Variants in STX11 observed in about 807,000 individuals in gnomAD.
STX11 encodes syntaxin-11.
In STX11, 21 loss-of-function variants were observed where a neutral mutation model predicts 19.9. The observed-to-expected ratio is 1.06, with a 90% CI of 0.75 to 1.52. The LOEUF (loss-of-function observed/expected upper bound fraction) is 1.52, where lower values mean the gene tolerates loss of function less well. STX11 is among the 40% of genes most tolerant of loss of function. The pLI is 0.00. For missense variants in STX11, 438 were observed against 405.9 expected (o/e 1.08, Z -0.68); for synonymous variants, 193 against 174.4 (o/e 1.11, Z -0.84).
At chr6:144,171,304 C>A (rs1223306189) in intron 1 of STX11, among the ~76,000 whole-genome samples, 3 of 152,304 alleles carry the variant, frequency 2.0e-5, no homozygotes, top group East Asian at 3.9e-4. Flanking sequence ...TAATAAGCTT[C>A]TGAAATTCCT....
rs912291969 is a variant in STX11 at position 144,189,185 on chromosome 6, G to T, written c.*1694G>T. 2.0e-5 allele frequency among the ~76,000 whole-genome samples: 3 copies of T among 152,120 alleles called. No individual in the cohort carries two copies. The highest frequency in any genetic ancestry group is 4.4e-5 in the Non-Finnish European group (3 of 68,030). ...CTACAGATATGTGCCACCATGCCCG[G>T]CTAATTTTTGTATTTTCTGTAGAGA... On this transcript the variant is annotated 3_prime_UTR_variant, in exon 2 of 2. Coordinates refer to ENST00000367568, the MANE Select transcript of STX11 (RefSeq NM_003764.4).
Position 144,182,331 on chromosome 6 carries a change from A to T in STX11, c.-5-4292A>T, listed in dbSNP as rs1015350791. On this transcript the variant is annotated intron_variant, in intron 1 of 1. Coordinates refer to ENST00000367568, the MANE Select transcript of STX11 (RefSeq NM_003764.4). This position sits in a 1 kb window ranked among gnomAD's most constrained non-coding sequence, Gnocchi z 4.8. ...ATGTTTGCTCCCTGGTGACCAGGAG[A>T]CCTTCTATGTCAGTGGAGACAACTC... Among the ~76,000 whole-genome samples, 5 of 152,162 alleles carry T rather than the reference A, an allele frequency of 3.3e-5. No individual in the cohort carries two copies. Among genetic ancestry groups the T allele is most frequent in the African/African-American group, 1.2e-4 (5 of 41,532 alleles).
rs757055832 is a variant in STX11 at position 144,187,541 on chromosome 6, G to A, written c.*50G>A. ...CCATCCCAGACCATGGAGCGCGCTG[G>A]GAAGGACGCACCAAAGCCGGGAGCT... On this transcript the variant is annotated 3_prime_UTR_variant, in exon 2 of 2. Coordinates refer to ENST00000367568, the MANE Select transcript of STX11 (RefSeq NM_003764.4). The surrounding 1 kb of genome is among the most constrained non-coding windows in gnomAD (Gnocchi z 5.6). 2 of 1,610,040 alleles carry A rather than the reference G, an allele frequency of 1.2e-6. No individual in the cohort carries two copies. Among genetic ancestry groups the A allele is most frequent in the East Asian group, 2.2e-5 (1 of 44,790 alleles).
chr6:144,182,243 C>A lies in STX11; in HGVS notation c.-5-4380C>A, dbSNP rs1419660650. On this transcript the variant is annotated intron_variant, in intron 1 of 1. Transcript: ENST00000367568. This position sits in a 1 kb window ranked among gnomAD's most constrained non-coding sequence, Gnocchi z 4.8. ...ACTTCAGTAGTGTATACACTTTTAA[C>A]CTTTTTGGAGACATTCTTAGGAATA... Among the ~76,000 whole-genome samples, 1 of 152,170 alleles carries A rather than the reference C, an allele frequency of 6.6e-6. No homozygotes were observed. The highest frequency in any genetic ancestry group is 2.1e-4 in the South Asian group (1 of 4,826).
Position 144,190,872 on chromosome 6 carries a change from C to G in STX11, c.*3381C>G, listed in dbSNP as rs1359687984. 6.6e-6 allele frequency among the ~76,000 whole-genome samples: 1 copy of G among 152,182 alleles called. No individual in the cohort carries two copies. Among genetic ancestry groups the G allele is most frequent in the African/African-American group, 2.4e-5 (1 of 41,436 alleles). On this transcript the variant is annotated 3_prime_UTR_variant, in exon 2 of 2. Transcript: ENST00000367568. ...GCCTATTCACCAAAGCCCTTCCTGG[C>G]TCTGACTGCCACACCAGGCAGTGGG... is the stretch of plus-strand genomic sequence containing the variant.
At chr6:144,178,012 C>T (rs1801817462) in intron 1 of STX11, among the ~76,000 whole-genome samples, 2 of 152,144 alleles carry the variant, frequency 1.3e-5, no homozygotes, top group Non-Finnish European at 2.9e-5. Flanking sequence ...ACAGTATTTC[C>T]ATGTGTTAAT....
the STX11 span, among the ~76,000 whole-genome samples, chr6:144,144,120 A>T: frequency 6.6e-6 from 1 of 152,314 alleles, no homozygotes; most frequent in African/African-American, 2.4e-5. Flanking sequence ...ATATTTATTG[A>T]GTGTCTCTAA....
At chr6:144,158,167 C>G (rs567459011) in intron 1 of STX11, among the ~76,000 whole-genome samples, 1 of 152,270 alleles carries the variant, frequency 6.6e-6, no homozygotes, top group Non-Finnish European at 1.5e-5. Flanking sequence ...TCGTGGTGAC[C>G]AACTCTATTG....
Position 144,165,619 on chromosome 6 carries a change from A to C in STX11, c.-6+14916A>C, listed in dbSNP as rs961372282. Reference sequence around the variant, plus strand: ...CTGTAACTTGAGTTATAGGAGTAATATAAAAACTAATAATAGAATCATTCT... The same window carrying C: ...CTGTAACTTGAGTTATAGGAGTAATCTAAAAACTAATAATAGAATCATTCT... On this transcript the variant is annotated intron_variant, in intron 1 of 1. Coordinates refer to ENST00000367568, the MANE Select transcript of STX11 (RefSeq NM_003764.4). The surrounding 1 kb of genome is among the most constrained non-coding windows in gnomAD (Gnocchi z 5.8). 6.6e-5 allele frequency among the ~76,000 whole-genome samples: 10 copies of C among 152,246 alleles called. No homozygotes were observed. Among genetic ancestry groups the C allele is most frequent in the South Asian group, 4.1e-4 (2 of 4,838 alleles).
chr6:144,166,234 T>A (rs1381980102), intron 1 of STX11, among the ~76,000 whole-genome samples: 1 of 152,204 alleles, frequency 6.6e-6, no homozygotes, highest in Non-Finnish European at 1.5e-5. Context: ...GAGACACTTA[T>A]GAAGAAGAGA....
At chr6:144,141,967 C>T in the STX11 span, among the ~76,000 whole-genome samples, 55 of 152,080 alleles carry the variant, frequency 3.6e-4, no homozygotes, top group Middle Eastern at 3.4e-3. Context: ...CAGGCGAGAG[C>T]CACTGCGCCC....
At position 144,182,755 on chromosome 6, in the gene STX11, G is replaced by A. The variant is rs1801938605; in HGVS notation, c.-5-3868G>A. 6.6e-6 allele frequency among the ~76,000 whole-genome samples: 1 copy of A among 152,170 alleles called. No homozygotes were observed. Among genetic ancestry groups the A allele is most frequent in the Admixed American group, 6.5e-5 (1 of 15,270 alleles). ...CATACAAATGATCCCTAGTGTCCCAGGGCGTGGTACAGTCCCTTATCTACC... is the reference window on the plus strand; with the variant it reads ...CATACAAATGATCCCTAGTGTCCCAAGGCGTGGTACAGTCCCTTATCTACC... On this transcript the variant is annotated intron_variant, in intron 1 of 1. Coordinates refer to ENST00000367568, the MANE Select transcript of STX11 (RefSeq NM_003764.4). The surrounding 1 kb of genome is among the most constrained non-coding windows in gnomAD (Gnocchi z 4.8).
chr6:144,151,144 C>G lies in STX11; in HGVS notation c.-6+441C>G, dbSNP rs1186040099. On this transcript the variant is annotated intron_variant, in intron 1 of 1. Coordinates refer to ENST00000367568, the MANE Select transcript of STX11 (RefSeq NM_003764.4). The surrounding 1 kb of genome is among the most constrained non-coding windows in gnomAD (Gnocchi z 4.6). ...CAGAATGGGTACTTCTTGACTTGAACTTGGCGGTGTCACTCAGTAGCCAGG... is the reference window on the plus strand; with the variant it reads ...CAGAATGGGTACTTCTTGACTTGAAGTTGGCGGTGTCACTCAGTAGCCAGG... 1 of 739,278 alleles carries G rather than the reference C, an allele frequency of 1.4e-6. No homozygotes were observed. The highest frequency in any genetic ancestry group is 1.7e-6 in the Non-Finnish European group (1 of 605,462). 45.8% of individuals were successfully genotyped at this position (739,278 alleles called of 1,614,324 possible).
chr6:144,160,038 T>C lies in STX11; in HGVS notation c.-6+9335T>C, dbSNP rs1414078256. 2.0e-5 allele frequency among the ~76,000 whole-genome samples: 3 copies of C among 152,206 alleles called. No homozygotes were observed. Among genetic ancestry groups the C allele is most frequent in the Non-Finnish European group, 4.4e-5 (3 of 68,028 alleles). On this transcript the variant is annotated intron_variant, in intron 1 of 1. Coordinates refer to ENST00000367568, the MANE Select transcript of STX11 (RefSeq NM_003764.4). This position sits in a 1 kb window ranked among gnomAD's most constrained non-coding sequence, Gnocchi z 4.3. ...AAATATTATGATTTTTGAGAGACTCTGTCGCCCAGGCTGGAATGAAATGGC... is the reference window on the plus strand; with the variant it reads ...AAATATTATGATTTTTGAGAGACTCCGTCGCCCAGGCTGGAATGAAATGGC...
Position 144,169,661 on chromosome 6 carries a change from C to CT in STX11, c.-5-16961dup. ...CTCTCCTTTTCTTTTCCCTCCCTCC[C>CT]TCCCTTCCTTCCTTCCTTCCTTCCT... is the stretch of plus-strand genomic sequence containing the variant. On this transcript the variant is annotated intron_variant, in intron 1 of 1. Transcript: ENST00000367568. This position sits in a 1 kb window ranked among gnomAD's most constrained non-coding sequence, Gnocchi z 5.2. 6.9e-6 allele frequency among the ~76,000 whole-genome samples: 1 copy of CT among 145,298 alleles called. No homozygotes were observed. The highest frequency in any genetic ancestry group is 2.0e-4 in the East Asian group (1 of 5,066).
intron 1 of STX11, among the ~76,000 whole-genome samples, chr6:144,158,058 G>T (rs7755888): frequency 0.1 from 15,267 of 151,764 alleles, 2,245 homozygotes; most frequent in African/African-American, 0.32. Flanking sequence ...ATAGAATCCA[G>T]GGGTGGAACC....
intron 1 of STX11, among the ~76,000 whole-genome samples, chr6:144,179,750 T>C (rs1380454097): frequency 6.6e-6 from 1 of 152,220 alleles, no homozygotes; most frequent in Non-Finnish European, 1.5e-5. Context: ...ACAAAGATAC[T>C]ATATAAGCCC....
At position 144,187,685 on chromosome 6, in the gene STX11, A is replaced by G; in HGVS notation, c.*194A>G. 1.4e-6 allele frequency: 1 copy of G among 703,332 alleles called. No individual in the cohort carries two copies. Among genetic ancestry groups the G allele is most frequent in the South Asian group, 1.9e-5 (1 of 53,170 alleles). 43.6% of individuals were successfully genotyped at this position (703,332 alleles called of 1,614,324 possible). A position where few individuals can be genotyped will look rare whatever the true frequency, so the allele number is the denominator to read the frequency against. On this transcript the variant is annotated 3_prime_UTR_variant, in exon 2 of 2. Coordinates refer to ENST00000367568, the MANE Select transcript of STX11 (RefSeq NM_003764.4). This position sits in a 1 kb window ranked among gnomAD's most constrained non-coding sequence, Gnocchi z 5.6. The stretch of plus-strand genomic sequence containing the variant: ...AAAGATGGTTAGTTGATACCGTCCG[A>G]TGATTCTTCAGTAAAGATAGATTCC...
At chr6:144,150,327 T>C (rs1304521936), upstream of STX11, among the ~76,000 whole-genome samples, 1 of 152,178 alleles carries the variant, frequency 6.6e-6, no homozygotes, top group Non-Finnish European at 1.5e-5. Context: ...GGAACGCCCC[T>C]GGGCTTGCGG....
Sources: gnomAD v4.1 joint callset for allele counts (sites outside exome capture counted in the v4.1 genomes callset) on GRCh38, gnomAD v4.1.1 for gene constraint, Gnocchi (gnomAD v3.1) non-coding constraint, MANE v1.5 for transcripts, NCBI Gene and HGNC (gene_info 2026-07-23, HGNC 2026-07-21) for gene names.